The following FANCB variants were observed in gnomAD, a reference collection of about 807,000 sequenced individuals.
FANCB encodes the protein Fanconi anemia group B protein.
FANCB carries 5 observed loss-of-function variants against 38.9 expected under a neutral mutation model. The observed-to-expected ratio is 0.13, with a 90% CI of 0.07 to 0.27. The LOEUF (loss-of-function observed/expected upper bound fraction) is 0.27, where lower values mean the gene tolerates loss of function less well. FANCB is among the 10% of genes least tolerant of loss of function. FANCB has a pLI of 1.00. For synonymous variants in FANCB, 236 were observed against 215.4 expected, an observed-to-expected ratio of 1.10 and a Z score of -0.84; for missense variants, 573 against 602.7, an observed-to-expected ratio of 0.95 and a Z score of 0.52.
At chrX:14,872,821 T>C (rs947009365) in intron 1 of FANCB, among the ~76,000 whole-genome samples, 165 bp downstream of exon 1, 7 of 112,797 alleles carry the variant, frequency 6.2e-5, no homozygotes, top group African/African-American at 2.2e-4. Context: ...CAAGCGAATG[T>C]AGCACTTAAA....
the FANCB span, among the ~76,000 whole-genome samples, chrX:14,696,274 T>G: frequency 7.4e-3 from 806 of 108,656 alleles, 10 homozygotes; most frequent in African/African-American, 0.026. Flanking sequence ...TGCATGGCAG[T>G]AGTTGCAGTG....
At chrX:14,791,888 C>A in the FANCB span, among the ~76,000 whole-genome samples, 1 of 111,809 alleles carries the variant, frequency 8.9e-6, no homozygotes, top group Non-Finnish European at 1.9e-5. Flanking sequence ...ATTAAGATCC[C>A]ATGTCCTTTT....
In FANCB at chrX:14,845,146, C is replaced by A; in HGVS notation, c.1637G>T (p.Gly546Val). 8.3e-7 allele frequency: 1 copy of A among 1,211,354 alleles called. No individual in the cohort carries two copies. The change falls in exon 8 of 10, where the codon GGA becomes GTA. Residue 546 changes from glycine (G) to valine (V), a missense_variant. Transcript: ENST00000650831. Reference sequence around the variant, plus strand: ...CAACGTGACCCTTTTTGCTTCCAATCCTATTTCACATGGCATCAAGTATGG... The same window carrying A: ...CAACGTGACCCTTTTTGCTTCCAATACTATTTCACATGGCATCAAGTATGG... ...PAPYLMPCEI[G>V]LEAKRVTLTP...
At chrX:14,830,983 C>T (rs2092326262), downstream of FANCB, among the ~76,000 whole-genome samples, 1 of 111,633 alleles carries the variant, frequency 9.0e-6, no homozygotes, top group South Asian at 3.7e-4. Context: ...TTTTAATGTC[C>T]TGACCTGGCA....
chrX:14,864,488 C>T, intron 3 of FANCB, 72 bp downstream of exon 3: 1 of 681,803 alleles, frequency 1.5e-6, no homozygotes, highest in East Asian at 3.2e-5. Flanking sequence ...CCAGAATGAA[C>T]TCTATGAACT....
At chrX:14,826,800 A>G in the FANCB span, among the ~76,000 whole-genome samples, 1 of 111,938 alleles carries the variant, frequency 8.9e-6, no homozygotes, top group African/African-American at 3.2e-5. Context: ...ATGTGACTGA[A>G]TTTCATGGCT....
chrX:14,690,746 G>A, the FANCB span: 1 of 1,206,146 alleles, frequency 8.3e-7, no homozygotes, highest in Non-Finnish European at 1.1e-6. Context: ...CTGGATGGCG[G>A]TGTGCCTTCT....
intron 3 of FANCB, 86 bp from the exon 4 acceptor site, chrX:14,859,420 G>A: frequency 1.5e-6 from 1 of 658,896 alleles, no homozygotes; most frequent in Non-Finnish European, 2.4e-6. Flanking sequence ...GTTTCATGTA[G>A]TTGTCATTTG....
the FANCB span, among the ~76,000 whole-genome samples, chrX:14,761,662 G>A: frequency 9.0e-6 from 1 of 111,293 alleles, no homozygotes; most frequent in Non-Finnish European, 1.9e-5. Context: ...TGCAGACAAT[G>A]GATTAGCAGT....
At chrX:14,805,316 G>C in the FANCB span, among the ~76,000 whole-genome samples, 4 of 111,462 alleles carry the variant, frequency 3.6e-5, no homozygotes, top group African/African-American at 1.3e-4. Context: ...TCAAAACCAA[G>C]TGTGTTAAAG....
chrX:14,824,231 C>T, the FANCB span, among the ~76,000 whole-genome samples: 4 of 111,695 alleles, frequency 3.6e-5, no homozygotes, highest in Non-Finnish European at 5.6e-5. Context: ...CACACTGGGA[C>T]CTCCAAACAC....
the FANCB span, among the ~76,000 whole-genome samples, chrX:14,745,521 A>ATT: frequency 9.1e-6 from 1 of 109,314 alleles, no homozygotes; most frequent in Non-Finnish European, 1.9e-5. Context: ...TCAATTAATT[A>ATT]TTTTAACACT....
At chrX:14,815,657 C>T in the FANCB span, among the ~76,000 whole-genome samples, 1 of 111,977 alleles carries the variant, frequency 8.9e-6, no homozygotes. Context: ...CCAGCAAACC[C>T]ACTACTGAGT....
the FANCB span, among the ~76,000 whole-genome samples, chrX:14,692,044 A>G: frequency 8.9e-6 from 1 of 111,970 alleles, no homozygotes; most frequent in Non-Finnish European, 1.9e-5. Flanking sequence ...GACATTGCTT[A>G]TATTGAGGAG....
chrX:14,825,824 G>A, the FANCB span, among the ~76,000 whole-genome samples: 1 of 112,170 alleles, frequency 8.9e-6, no homozygotes, highest in Non-Finnish European at 1.9e-5. Flanking sequence ...ATAAGAGTGA[G>A]TGGTTAATCA....
chrX:14,746,098 T>C, the FANCB span, among the ~76,000 whole-genome samples: 1 of 112,067 alleles, frequency 8.9e-6, no homozygotes, highest in East Asian at 2.8e-4. Flanking sequence ...TGAAGATGTG[T>C]CTGAGAACTT....
At chrX:14,747,593 G>C in the FANCB span, among the ~76,000 whole-genome samples, 1 of 112,465 alleles carries the variant, frequency 8.9e-6, no homozygotes, top group Non-Finnish European at 1.9e-5. Flanking sequence ...CATTTAGAAT[G>C]AATCAAGTTT....
At chrX:14,719,987 A>C in the FANCB span, among the ~76,000 whole-genome samples, 1 of 111,702 alleles carries the variant, frequency 9.0e-6, no homozygotes, top group South Asian at 3.8e-4. Context: ...GAGCTGAAAA[A>C]GTAGATCTCA....
At chrX:14,795,634 G>T in the FANCB span, among the ~76,000 whole-genome samples, 125 of 112,088 alleles carry the variant, frequency 1.1e-3, 1 homozygote, top group African/African-American at 3.8e-3. Context: ...ACAATTGAGA[G>T]AATTTCTGTT....
Sources: gnomAD v4.1 joint callset for allele counts (sites outside exome capture counted in the v4.1 genomes callset) on GRCh38, gnomAD v4.1.1 for gene constraint, MANE v1.5 for transcripts, NCBI Gene and HGNC (gene_info 2026-07-23, HGNC 2026-07-21) for gene names.